Variants in TRAPPC6A observed in about 807,000 individuals in gnomAD.
The protein encoded by TRAPPC6A is TRAPP complex subunit 6A.
TRAPPC6A carries 25 observed loss-of-function variants against 20.8 expected under a neutral mutation model. That is an observed-to-expected ratio of 1.20 (90% confidence interval 0.88 to 1.68). TRAPPC6A has a LOEUF of 1.68. Among genes scored for constraint, TRAPPC6A ranks in the 40% most tolerant of loss-of-function variants. TRAPPC6A has a pLI of 0.00. For missense variants in TRAPPC6A, 215 were observed against 211.6 expected (o/e 1.02, Z -0.10); for synonymous variants, 96 against 93.3 (o/e 1.03, Z -0.16).
rs559392264 is a variant in TRAPPC6A at position 45,168,990 on chromosome 19, A to T, written c.85-3796T>A. 3.9e-5 allele frequency among the ~76,000 whole-genome samples: 6 copies of T among 152,202 alleles called. No individual in the cohort carries two copies. The East Asian group carries it at 1.2e-3, about 29-fold the overall frequency. On this transcript the variant is annotated intron_variant, in intron 1 of 5. Transcript: ENST00000585934. ...CCTCGCCCTCATGGGTGACAACGAC[A>T]CGGCTTCCTGTTGCACTGTCTCCCT... is the stretch of plus-strand genomic sequence containing the variant.
rs140842439 is a variant in TRAPPC6A, at chr19:45,178,140, G to T, written c.79C>A (p.Pro27Thr). 4.2e-5 allele frequency: 68 copies of T among 1,613,282 alleles called. 1 individual carries two copies. In the African/African-American group the frequency reaches 8.3e-4, roughly 20 times the overall value. The change falls in exon 1 of 6, where the codon CCG (proline) becomes ACG (threonine). Residue 27 changes from proline (P) to threonine (T), a missense_variant. Pro to Thr is a conservative substitution (Grantham distance 38). Transcript: ENST00000585934. ...ELWAHDPDPG[P>T]GGQKMSLSVL... is the part of the protein sequence containing the mutation. ...CCACGGAGCCCGGCGCTCACCCCCG[G>T]GCCGGGGTCGGGGTCGTGAGCCCAC...
intron 1 of TRAPPC6A, among the ~76,000 whole-genome samples, chr19:45,175,382 G>A (rs189815432): frequency 0.065 from 9,735 of 150,202 alleles, 461 homozygotes; most frequent in Non-Finnish European, 0.095. Flanking sequence ...AGCCGAGATC[G>A]CGCCACTGCA....
At chr19:45,166,422 T>C (rs1468956758) in intron 1 of TRAPPC6A, among the ~76,000 whole-genome samples, 1 of 151,912 alleles carries the variant, frequency 6.6e-6, no homozygotes, top group African/African-American at 2.4e-5. Context: ...TTGGCCAGGC[T>C]GGTCTCAAAC....
In TRAPPC6A at chr19:45,163,481, G is replaced by A. The variant is rs755319845; in HGVS notation, c.449-258C>T. On this transcript the variant is annotated intron_variant, in intron 5 of 5. Coordinates refer to ENST00000585934, the MANE Select transcript of TRAPPC6A (RefSeq NM_001270891.2). The surrounding 1 kb of genome is among the most constrained non-coding windows in gnomAD (Gnocchi z 5.3). ...CTCGGTCCTACCCCACGGGGGCCCC[G>A]GGGGCCCCCATGAGTGGGCCTGGGG... is the stretch of plus-strand genomic sequence containing the variant. Among the ~76,000 whole-genome samples the A allele has an allele frequency of 3.9e-5, 6 of 152,028 alleles. No homozygotes were observed. Among genetic ancestry groups the A allele is most frequent in the Admixed American group, 6.5e-5 (1 of 15,280 alleles).
At chr19:45,175,597 T>C (rs1459939084) in intron 1 of TRAPPC6A, among the ~76,000 whole-genome samples, 2 of 152,036 alleles carry the variant, frequency 1.3e-5, no homozygotes, top group Non-Finnish European at 2.9e-5. Flanking sequence ...GAAGGATTAA[T>C]AGTTGTTAGC....
intron 1 of TRAPPC6A, among the ~76,000 whole-genome samples, chr19:45,171,027 C>T (rs113458075): frequency 0.014 from 2,197 of 152,272 alleles, 62 homozygotes; most frequent in African/African-American, 0.048. Flanking sequence ...AGGGGCTGGG[C>T]GCGGGGGCTC....
chr19:45,163,316 T>G lies in TRAPPC6A; in HGVS notation c.449-93A>C. The G allele has an allele frequency of 7.1e-7, 1 of 1,401,360 alleles. No homozygotes were observed. Among genetic ancestry groups the G allele is most frequent in the Non-Finnish European group, 1.0e-6 (1 of 1,001,022 alleles). 86.8% of individuals were successfully genotyped at this position (1,401,360 alleles called of 1,614,324 possible). On this transcript the variant is annotated intron_variant, in intron 5 of 5. Transcript: ENST00000585934. The surrounding 1 kb of genome is among the most constrained non-coding windows in gnomAD (Gnocchi z 5.3). ...TTAGGCGCTCACCCCCGTCCTGCAC[T>G]GACACCCCAGTGGCTAGGTTGGGCT...
chr19:45,175,880 T>C lies in TRAPPC6A; in HGVS notation c.84+2255A>G, dbSNP rs147788111. ...TGCATACTCCCTGGGCCATGCTGTA[T>C]CTTCCTCATAGCAGTTACACAATGT... On this transcript the variant is annotated intron_variant, in intron 1 of 5. Coordinates refer to ENST00000585934, the MANE Select transcript of TRAPPC6A (RefSeq NM_001270891.2). 1.7e-3 allele frequency among the ~76,000 whole-genome samples: 252 copies of C among 152,296 alleles called. 2 individuals are homozygous for C. Among genetic ancestry groups the C allele is most frequent in the African/African-American group, 5.6e-3 (232 of 41,562 alleles).
Position 45,163,294 on chromosome 19 carries a change from G to A in TRAPPC6A, c.449-71C>T. On this transcript the variant is annotated intron_variant, in intron 5 of 5. Coordinates refer to ENST00000585934, the MANE Select transcript of TRAPPC6A (RefSeq NM_001270891.2). This position sits in a 1 kb window ranked among gnomAD's most constrained non-coding sequence, Gnocchi z 5.3. ...GCAGAGGGCACCTGGACGGCTCTTA[G>A]GCGCTCACCCCCGTCCTGCACTGAC... 2 of 1,557,314 alleles carry A rather than the reference G, an allele frequency of 1.3e-6. No homozygotes were observed. The highest frequency in any genetic ancestry group is 1.8e-6 in the Non-Finnish European group (2 of 1,133,000).
At chr19:45,176,297 CA>C (rs138759462) in intron 1 of TRAPPC6A, among the ~76,000 whole-genome samples, 33 of 134,136 alleles carry the variant, frequency 2.5e-4, no homozygotes, top group East Asian at 4.3e-4. Context: ...ACTAAAAATA[CA>C]AAAAAAAAAA....
At chr19:45,175,295 C>G (rs529990829) in intron 1 of TRAPPC6A, among the ~76,000 whole-genome samples, 1 of 144,690 alleles carries the variant, frequency 6.9e-6, no homozygotes, top group Admixed American at 7.0e-5. Context: ...GGTGTGGTGT[C>G]GGGCACCTGT....
At chr19:45,176,387 C>T (rs541931262) in intron 1 of TRAPPC6A, among the ~76,000 whole-genome samples, 1 of 152,122 alleles carries the variant, frequency 6.6e-6, no homozygotes, top group Admixed American at 6.5e-5. Context: ...TTGCGTGAAC[C>T]CAGGAGGCGG....
Position 45,172,661 on chromosome 19 carries a change from G to A in TRAPPC6A, c.84+5474C>T, listed in dbSNP as rs1408069378. On this transcript the variant is annotated intron_variant, in intron 1 of 5. Coordinates refer to ENST00000585934, the MANE Select transcript of TRAPPC6A (RefSeq NM_001270891.2). This position sits in a 1 kb window ranked among gnomAD's most constrained non-coding sequence, Gnocchi z 4.2. ...TCCCTGGTCCAGCAAGGCATCCTGA[G>A]CAAGTCCAGATCCTGCCTCTGCCCA... 6.6e-6 allele frequency among the ~76,000 whole-genome samples: 1 copy of A among 151,656 alleles called. No individual in the cohort carries two copies. Among genetic ancestry groups the A allele is most frequent in the Non-Finnish European group, 1.5e-5 (1 of 68,004 alleles).
intron 1 of TRAPPC6A, among the ~76,000 whole-genome samples, chr19:45,174,810 C>T (rs1244945626): frequency 6.6e-6 from 1 of 151,970 alleles, no homozygotes; most frequent in Non-Finnish European, 1.5e-5. Context: ...GCTTGGGTGA[C>T]AGAGCAAGAC....
At chr19:45,164,822 A>T in intron 3 of TRAPPC6A, 31 bp downstream of exon 3, 1 of 1,595,462 alleles carries the variant, frequency 6.3e-7, no homozygotes, top group Non-Finnish European at 8.6e-7. Context: ...CCTCAGGAGG[A>T]AGCTGGACGG....
rs1969046210 is a variant in TRAPPC6A at position 45,163,146 on chromosome 19, G to GGTGAGGCCA, written c.*37_*45dup. On this transcript the variant is annotated 3_prime_UTR_variant, in exon 6 of 6. Transcript: ENST00000585934. The surrounding 1 kb of genome is among the most constrained non-coding windows in gnomAD (Gnocchi z 5.3). ...AGCGGCCCCACCGTCTCCTGAGGCC[G>GGTGAGGCCA]GTGAGGCCAGGGGCAGCAGTGCGGC... 6.2e-7 allele frequency: 1 copy of GGTGAGGCCA among 1,612,334 alleles called. No homozygotes were observed. Among genetic ancestry groups the GGTGAGGCCA allele is most frequent in the Non-Finnish European group, 8.5e-7 (1 of 1,178,900 alleles).
At position 45,163,817 on chromosome 19, in the gene TRAPPC6A, G is replaced by A; in HGVS notation, c.448+99C>T. ...TGGCTGAGCAGGTGACTTAAAACTG[G>A]GCCTGCCTCCCAGGCACACACACAG... is the stretch of plus-strand genomic sequence containing the variant. On this transcript the variant is annotated intron_variant, in intron 5 of 5. Transcript: ENST00000585934. This position sits in a 1 kb window ranked among gnomAD's most constrained non-coding sequence, Gnocchi z 5.3. 2 of 1,098,908 alleles carry A rather than the reference G, an allele frequency of 1.8e-6. No individual in the cohort carries two copies. Among genetic ancestry groups the A allele is most frequent in the Non-Finnish European group, 2.6e-6 (2 of 756,920 alleles). The allele number at this position is 1,098,908 out of a possible 1,614,324, so 68.1% of individuals were successfully genotyped here.
chr19:45,165,251 A>G, intron 1 of TRAPPC6A, 57 bp from the exon 2 acceptor site: 1 of 1,527,384 alleles, frequency 6.5e-7, no homozygotes, highest in South Asian at 1.2e-5. Context: ...ACCCGGGGCC[A>G]CCCAGGGGGG....
intron 1 of TRAPPC6A, among the ~76,000 whole-genome samples, chr19:45,171,621 A>G (rs1290971824): frequency 1.3e-5 from 2 of 152,232 alleles, no homozygotes; most frequent in Non-Finnish European, 2.9e-5. Flanking sequence ...GAAACCTGTA[A>G]GACAGATAAC....
Sources: gnomAD v4.1 joint callset for allele counts (sites outside exome capture counted in the v4.1 genomes callset) on GRCh38, gnomAD v4.1.1 for gene constraint, Gnocchi (gnomAD v3.1) non-coding constraint, MANE v1.5 for transcripts, NCBI Gene and HGNC (gene_info 2026-07-23, HGNC 2026-07-21) for gene names.